MBTPS1: variants seen among roughly 807,000 people sequenced by gnomAD.
MBTPS1 encodes the protein membrane-bound transcription factor site-1 protease.
In MBTPS1, 94 loss-of-function variants were observed where a neutral mutation model predicts 127.8. The ratio of observed to expected loss-of-function variants is 0.74; its 90% CI spans 0.62 to 0.87. MBTPS1 has a LOEUF of 0.87. Among genes scored for constraint, MBTPS1 ranks in the 40% least tolerant of loss-of-function variants. The probability of loss-of-function intolerance (pLI) is 0.00; values close to 1 mark genes in which losing one functional copy is unlikely to be tolerated. For missense variants in MBTPS1, 1,636 were observed against 1,353.2 expected (o/e 1.21, Z -3.28); for synonymous variants, 632 against 509.4 (o/e 1.24, Z -3.24).
At chr16:84,100,971 T>C (rs769450396) in intron 2 of MBTPS1, among the ~76,000 whole-genome samples, 10 of 134,102 alleles carry the variant, frequency 7.5e-5, no homozygotes, top group East Asian at 4.3e-4. Flanking sequence ...CTGGCTAACA[T>C]GCTGAAACCC....
chr16:84,082,214 T>G (rs951795812), intron 10 of MBTPS1: 1 of 176,486 alleles, frequency 5.7e-6, no homozygotes, highest in Non-Finnish European at 1.2e-5. Context: ...GTATAGGAGG[T>G]ACTGACTCCT....
Position 84,093,765 on chromosome 16 carries a change from A to G in MBTPS1, c.682T>C (p.Phe228Leu). 6.2e-7 allele frequency: 1 copy of G among 1,614,146 alleles called. No homozygotes were observed. Among genetic ancestry groups the G allele is most frequent in the Non-Finnish European group, 8.5e-7 (1 of 1,179,994 alleles). ...TTGGTTCTCTCCTTCACATTTTTGA[A>G]GTGGGGATGCTTCTCGCTCAGCCCA... ...DTGLSEKHPH[F>L]KNVKERTNWT... Residue 228 changes from phenylalanine to leucine, a missense_variant, in exon 5 of 23, where the codon TTC becomes CTC. Transcript: ENST00000343411.
intron 12 of MBTPS1, chr16:84,071,999 A>G (rs1432960870): frequency 6.6e-6 from 1 of 152,248 alleles, no homozygotes; most frequent in Admixed American, 6.5e-5. Context: ...TGAAGTGCAC[A>G]TTACACAAGG....
chr16:84,094,779 G>C (rs2151164655), intron 4 of MBTPS1, among the ~76,000 whole-genome samples: 1 of 152,162 alleles, frequency 6.6e-6, no homozygotes, highest in African/African-American at 2.4e-5. Context: ...TAAAACCATG[G>C]GGAGACACAC....
chr16:84,078,606 T>C (rs1401065340), intron 11 of MBTPS1, among the ~76,000 whole-genome samples: 2 of 152,140 alleles, frequency 1.3e-5, no homozygotes, highest in Non-Finnish European at 2.9e-5. Flanking sequence ...AGGCCTGAGG[T>C]TATTCACTGC....
Position 84,070,659 on chromosome 16 carries a change from T to C in MBTPS1, c.1711A>G (p.Lys571Glu). ...YLAISISVTK[K>E]AASWEGIAQG... ...GCAATGCCTTCCCAGGAAGCCGCTT[T>C]CTTGGTCACAGAAATGGAGATGGCC... Residue 571 changes from lysine to glutamate, a missense_variant, in exon 13 of 23, where the codon AAA becomes GAA. Transcript: ENST00000343411. 6.2e-7 allele frequency: 1 copy of C among 1,613,960 alleles called. No homozygotes were observed.
Position 84,095,638 on chromosome 16 carries a change from G to C in MBTPS1, c.589C>G (p.Leu197Val), listed in dbSNP as rs750303168. Residue 197 changes from leucine to valine, a missense_variant, in exon 4 of 23, where the codon CTG becomes GTG. Physicochemically the swap from Leu to Val is conservative, Grantham distance 32 (BLOSUM62 1). Transcript: ENST00000343411. ...RAIPRQVAQTLQADVLWQMGY... is the reference protein window; with the variant it reads ...RAIPRQVAQTVQADVLWQMGY... Reference sequence around the variant, plus strand: ...ATCTGCCAGAGCACATCTGCCTGCAGTGTCTGGGCAACCTGGCGCGGGATG... The same window carrying C: ...ATCTGCCAGAGCACATCTGCCTGCACTGTCTGGGCAACCTGGCGCGGGATG... 2 of 1,614,228 alleles carry C rather than the reference G, an allele frequency of 1.2e-6. No homozygotes were observed. Among genetic ancestry groups the C allele is most frequent in the Non-Finnish European group, 1.7e-6 (2 of 1,180,032 alleles).
chr16:84,074,675 G>C lies in MBTPS1; in HGVS notation c.1515C>G (p.Ile505Met), dbSNP rs766675178. 13 of 1,614,074 alleles carry C rather than the reference G, an allele frequency of 8.1e-6. No homozygotes were observed. The highest frequency in any genetic ancestry group is 1.1e-5 in the Non-Finnish European group (13 of 1,179,934). ...CAACTGTCGGCATTCCTCCATAGTA[G>C]ATGGGCTGGGAGCAGTAGGGCCACA... The part of the protein sequence containing the change: ...PYMWPYCSQP[I>M]YYGGMPTVVN... Residue 505 changes from isoleucine to methionine, a missense_variant, in exon 12 of 23, where the codon ATC (isoleucine) becomes ATG (methionine). Transcript: ENST00000343411.
Position 84,054,527 on chromosome 16 carries a change from C to A in MBTPS1, c.3081G>T (p.Arg1027Ser), listed in dbSNP as rs1299926556. The A allele has an allele frequency of 1.2e-6, 2 of 1,614,004 alleles. No homozygotes were observed. The highest frequency in any genetic ancestry group is 1.1e-5 in the South Asian group (1 of 91,070). ...FVVQINKAKS[R>S]PKRRKPRVKR... is the part of the protein sequence containing the mutation. The stretch of plus-strand genomic sequence containing the variant: ...TCACCCTGGGCTTCCTCCGCTTCGG[C>A]CTGCTCTTGGCCTTGTTGATTTGTA... The change falls in exon 23 of 23, where the codon AGG becomes AGT. Residue 1027 changes from arginine (R) to serine (S), a missense_variant. Arg to Ser is a moderately radical substitution (Grantham distance 110). Transcript: ENST00000343411.
chr16:84,101,882 ATTACT>A lies in MBTPS1; in HGVS notation c.-104_-100del. ...TTTTGTTTCAGCTAAAAGCTGCAAC[ATTACT>A]AATCAGCCATCTTACAGTCTTGCCC... On this transcript the variant is annotated 5_prime_UTR_variant, in exon 2 of 23. The change abolishes an upstream ATG in the 5' untranslated region. Transcript: ENST00000343411. 2.6e-6 allele frequency: 3 copies of A among 1,132,818 alleles called. No homozygotes were observed. Among genetic ancestry groups the A allele is most frequent in the African/African-American group, 1.5e-5 (1 of 64,582 alleles). The allele number at this position is 1,132,818 out of a possible 1,614,324, so 70.2% of individuals were successfully genotyped here.
intron 12 of MBTPS1, among the ~76,000 whole-genome samples, chr16:84,074,387 A>G (rs1358303438): frequency 1.3e-5 from 2 of 152,058 alleles, no homozygotes; most frequent in African/African-American, 2.4e-5. Context: ...GGCACACACC[A>G]CCATCCCTGG....
At chr16:84,112,839 G>T (rs1156547276) in intron 1 of MBTPS1, among the ~76,000 whole-genome samples, 2 of 151,466 alleles carry the variant, frequency 1.3e-5, no homozygotes, top group Non-Finnish European at 2.9e-5. Flanking sequence ...GCTGGGTGTG[G>T]TGGCACACAC....
intron 21 of MBTPS1, among the ~76,000 whole-genome samples, chr16:84,058,820 G>A (rs145630886): frequency 3.9e-5 from 6 of 152,278 alleles, no homozygotes; most frequent in Admixed American, 6.5e-5. Flanking sequence ...GCCTGCCATC[G>A]GAGGCGGGTG....
At chr16:84,109,657 T>C (rs1161566679) in intron 1 of MBTPS1, 1 of 152,126 alleles carries the variant, frequency 6.6e-6, no homozygotes, top group Non-Finnish European at 1.5e-5. Flanking sequence ...TGGCCTAGAA[T>C]TTTCCTAAGC....
intron 2 of MBTPS1, among the ~76,000 whole-genome samples, chr16:84,101,281 C>G (rs1204653220): frequency 1.3e-5 from 2 of 152,006 alleles, no homozygotes; most frequent in East Asian, 3.9e-4. Context: ...GCCTCAGCAA[C>G]AGAGTGAGAC....
chr16:84,106,647 A>C (rs911835575), intron 1 of MBTPS1, among the ~76,000 whole-genome samples: 5 of 152,232 alleles, frequency 3.3e-5, no homozygotes, highest in African/African-American at 9.6e-5. Context: ...TTCAGCTTTG[A>C]TTCTGACTGG....
chr16:84,103,820 T>TCTGGCA (rs926182185), intron 1 of MBTPS1, among the ~76,000 whole-genome samples: 25 of 152,212 alleles, frequency 1.6e-4, no homozygotes, highest in African/African-American at 5.5e-4. Flanking sequence ...CAAGCCCATC[T>TCTGGCA]CTGGCACTGG....
In MBTPS1 at chr16:84,104,490, A is replaced by C. The variant is rs138514077; in HGVS notation, c.-324-2383T>G. Among the ~76,000 whole-genome samples, 935 of 151,526 alleles carry C rather than the reference A, an allele frequency of 6.2e-3. 11 individuals are homozygous for C. The highest frequency in any genetic ancestry group is 8.3e-3 in the Non-Finnish European group (564 of 67,584). On this transcript the variant is annotated intron_variant, in intron 1 of 22. Coordinates refer to ENST00000343411, the MANE Select transcript of MBTPS1 (RefSeq NM_003791.4). ...CTTAAAAAACAAACAAACAAACAAA[A>C]AAGCCTCTTAAAACTTTTCTGCCTC...
At chr16:84,067,568 G>A (rs2085703951) in intron 16 of MBTPS1, 99 bp downstream of exon 16, 1 of 1,000,054 alleles carries the variant, frequency 1.0e-6, no homozygotes, top group African/African-American at 1.6e-5. Flanking sequence ...GTGCCAACTG[G>A]AAAGACCACC....
Sources: gnomAD v4.1 joint callset for allele counts (sites outside exome capture counted in the v4.1 genomes callset) on GRCh38, gnomAD v4.1.1 for gene constraint, MANE v1.5 for transcripts, NCBI Gene and HGNC (gene_info 2026-07-23, HGNC 2026-07-21) for gene names.